The following DMRT1 variants were observed in gnomAD, a reference collection of about 807,000 sequenced individuals.
DMRT1 encodes doublesex- and mab-3-related transcription factor 1.
A neutral mutation model predicts 32.3 loss-of-function variants in DMRT1; 7 were observed. The ratio of observed to expected loss-of-function variants is 0.22; its 90% CI spans 0.12 to 0.41. The LOEUF is 0.41. Ranked by LOEUF, DMRT1 falls within the 10% of genes least tolerant of loss-of-function variation. The pLI is 1.00. For missense variants in DMRT1, 625 were observed against 500.5 expected (o/e 1.25, Z -2.37); for synonymous variants, 278 against 206.1 (o/e 1.35, Z -2.99).
chr9:922,493 C>G (rs899933936), intron 4 of DMRT1, among the ~76,000 whole-genome samples: 1 of 152,216 alleles, frequency 6.6e-6, no homozygotes, highest in African/African-American at 2.4e-5. Flanking sequence ...GCACCTCTGT[C>G]TAGAGGTGGG....
intron 2 of DMRT1, among the ~76,000 whole-genome samples, chr9:883,481 C>G (rs1816810328): frequency 6.6e-6 from 1 of 151,874 alleles, no homozygotes; most frequent in Non-Finnish European, 1.5e-5. Flanking sequence ...TAAAAAAATG[C>G]ATTAACTCCC....
At chr9:844,487 C>T (rs1323271) in intron 1 of DMRT1, among the ~76,000 whole-genome samples, 109,763 of 151,864 alleles carry the variant, frequency 0.72, 40,405 homozygotes, top group Non-Finnish European at 0.79. Flanking sequence ...TTGTTTCTGG[C>T]CAGATTCATT....
chr9:861,031 G>A lies in DMRT1; in HGVS notation c.538+13888G>A, dbSNP rs761473935. On this transcript the variant is annotated intron_variant, in intron 2 of 4. Transcript: ENST00000382276. ...CCATTAACTATTAAAGCAGTGAATG[G>A]TGTGATCTAATTTACTTTCTTTTTT... Among the ~76,000 whole-genome samples, 4 of 149,840 alleles carry A rather than the reference G, an allele frequency of 2.7e-5. No homozygotes were observed. The East Asian group carries it at 5.9e-4, about 22-fold the overall frequency.
rs1173030627 is a variant in DMRT1 at position 841,755 on chromosome 9, G to T, written c.-84G>T. On this transcript the variant is annotated 5_prime_UTR_variant, in exon 1 of 5. Transcript: ENST00000382276. ...TCTCCTGCGCCTCCTCCTCCGGAGC[G>T]TCGCTGTCCGTCGGGTTCATCCCTC... 6.5e-7 allele frequency: 1 copy of T among 1,549,494 alleles called. No individual in the cohort carries two copies.
chr9:949,380 C>CAAAAACAAAAAA, intron 4 of DMRT1, among the ~76,000 whole-genome samples: 1 of 151,676 alleles, frequency 6.6e-6, no homozygotes, highest in Non-Finnish European at 1.5e-5. Context: ...AAAAAAAACC[C>CAAAAACAAAAAA]CAAAAAACCC....
At chr9:898,271 C>A (rs1817448857) in intron 3 of DMRT1, among the ~76,000 whole-genome samples, 1 of 152,158 alleles carries the variant, frequency 6.6e-6, no homozygotes, top group African/African-American at 2.4e-5. Flanking sequence ...AGGCATGTGC[C>A]ACCACGCCCG....
At chr9:848,962 T>C (rs1397221338) in intron 2 of DMRT1, among the ~76,000 whole-genome samples, 1 of 137,450 alleles carries the variant, frequency 7.3e-6, no homozygotes, top group African/African-American at 2.5e-5. Flanking sequence ...TACAGGGTCA[T>C]GGCTAATCTG....
chr9:925,517 G>T (rs1327056315), intron 4 of DMRT1, among the ~76,000 whole-genome samples: 2 of 152,220 alleles, frequency 1.3e-5, no homozygotes, highest in Non-Finnish European at 2.9e-5. Flanking sequence ...GGATGGGTGT[G>T]CAGGCAGAGC....
chr9:874,345 T>A (rs1422216745), intron 2 of DMRT1, among the ~76,000 whole-genome samples: 3 of 152,206 alleles, frequency 2.0e-5, no homozygotes, highest in Non-Finnish European at 4.4e-5. Context: ...ATTTATACAG[T>A]TGAGATATAG....
intron 4 of DMRT1, 66 bp from the exon 5 acceptor site, chr9:967,919 G>T: frequency 2.7e-6 from 4 of 1,474,824 alleles, no homozygotes; most frequent in Non-Finnish European, 2.8e-6. Context: ...AATGTATAAA[G>T]ACCAGCCACT....
At chr9:903,685 A>G (rs905506019) in intron 3 of DMRT1, among the ~76,000 whole-genome samples, 5 of 152,214 alleles carry the variant, frequency 3.3e-5, no homozygotes, top group African/African-American at 1.2e-4. Context: ...TATAGTGCAC[A>G]GGAGAGACAT....
At position 841,923 on chromosome 9, in the gene DMRT1, G is replaced by A. The variant is rs759117829; in HGVS notation, c.85G>A (p.Gly29Arg). Residue 29 changes from glycine (G) to arginine (R), a missense_variant, in exon 1 of 5, where the codon GGG becomes AGG. Physicochemically the swap from Gly to Arg is moderately radical, Grantham distance 125. Coordinates refer to ENST00000382276, the MANE Select transcript of DMRT1 (RefSeq NM_021951.3). ...APGVPPQGRA[G>R]GFGKASGALV... is the part of the protein sequence containing the mutation. ...CGGGGTACCGCCGCAGGGCAGAGCC[G>A]GGGGCTTTGGCAAAGCGTCTGGGGC... 35 of 1,606,588 alleles carry A rather than the reference G, an allele frequency of 2.2e-5. No homozygotes were observed. The South Asian group carries it at 3.8e-4, about 17-fold the overall frequency.
chr9:968,106 CACAGTCACTCCCGTCATCG>C lies in DMRT1; in HGVS notation c.1091_1109del (p.Thr364ArgfsTer17). The C allele has an allele frequency of 6.2e-7, 1 of 1,614,164 alleles. No individual in the cohort carries two copies. The highest frequency in any genetic ancestry group is 8.5e-7 in the Non-Finnish European group (1 of 1,180,048). On this transcript the variant is annotated frameshift_variant, in exon 5 of 5. Coordinates refer to ENST00000382276, the MANE Select transcript of DMRT1 (RefSeq NM_021951.3). LOFTEE classifies it high-confidence loss of function. ...AGCCTGCGTCGGAGCCCAGCAGCTT[CACAGTCACTCCCGTCATCG>C]AGGAGGACGAGTGAGCAGTGCCTGC...
rs533678972 is a variant in DMRT1, at chr9:932,519, C to T, written c.967+15612C>T. On this transcript the variant is annotated intron_variant, in intron 4 of 4. Transcript: ENST00000382276. Reference sequence around the variant, plus strand: ...GCACTTTGACATAGATCATTTTGTTCAGTCCTAACAACAATCTTACTAAGT... The same window carrying T: ...GCACTTTGACATAGATCATTTTGTTTAGTCCTAACAACAATCTTACTAAGT... Among the ~76,000 whole-genome samples, 141 of 152,268 alleles carry T rather than the reference C, an allele frequency of 9.3e-4. 1 individual carries two copies. In the South Asian group the frequency reaches 0.028, roughly 31 times the overall value.
intron 2 of DMRT1, among the ~76,000 whole-genome samples, chr9:867,205 A>C (rs1816029634): frequency 2.0e-5 from 3 of 152,194 alleles, no homozygotes; most frequent in African/African-American, 7.2e-5. Flanking sequence ...AAAAAAACAA[A>C]GCATAATAAG....
chr9:872,230 T>C (rs2132610775), intron 2 of DMRT1, among the ~76,000 whole-genome samples: 1 of 151,630 alleles, frequency 6.6e-6, no homozygotes, highest in African/African-American at 2.4e-5. Flanking sequence ...CCAGGCTAAT[T>C]TTTTGTATTT....
At chr9:877,865 C>T (rs1816568535) in intron 2 of DMRT1, among the ~76,000 whole-genome samples, 1 of 152,074 alleles carries the variant, frequency 6.6e-6, no homozygotes, top group Non-Finnish European at 1.5e-5. Context: ...GAAAAGTACA[C>T]CTGGAAGAGA....
In DMRT1 at chr9:841,862, C is replaced by T. The variant is rs199867033; in HGVS notation, c.24C>T (p.Ser8=). The T allele has an allele frequency of 1.2e-5, 19 of 1,612,880 alleles. No individual in the cohort carries two copies. The highest frequency in any genetic ancestry group is 1.5e-5 in the Non-Finnish European group (18 of 1,179,656). The part of the protein sequence containing the change: MPNDEAF[S]KPSTPSEAPH... ...CCATGCCCAACGACGAGGCATTCAGCAAGCCCTCTACACCGTCGGAAGCCC... is the reference window on the plus strand; with the variant it reads ...CCATGCCCAACGACGAGGCATTCAGTAAGCCCTCTACACCGTCGGAAGCCC... The change falls in exon 1 of 5, where the codon AGC becomes AGT. Residue 8 remains serine (S), a synonymous_variant. Transcript: ENST00000382276.
chr9:889,424 A>G (rs1564226643), intron 2 of DMRT1, among the ~76,000 whole-genome samples: 1 of 152,240 alleles, frequency 6.6e-6, no homozygotes, highest in Non-Finnish European at 1.5e-5. Flanking sequence ...TCCAATACAT[A>G]TCTCCTATTT....
Sources: gnomAD v4.1 joint callset for allele counts (sites outside exome capture counted in the v4.1 genomes callset) on GRCh38, gnomAD v4.1.1 for gene constraint, MANE v1.5 for transcripts, NCBI Gene and HGNC (gene_info 2026-07-23, HGNC 2026-07-21) for gene names.